The following BRI3 variants were observed in gnomAD, a reference collection of about 807,000 sequenced individuals.
BRI3 encodes membrane protein BRI3.
Under a neutral mutation model 12.8 loss-of-function variants are expected in BRI3, and 6 were observed. The ratio of observed to expected loss-of-function variants is 0.47; its 90% confidence interval spans 0.26 to 0.93. The LOEUF (loss-of-function observed/expected upper bound fraction) is 0.93. Ranked by LOEUF, BRI3 falls within the 40% of genes least tolerant of loss-of-function variation. BRI3 has a pLI of 0.15. For missense variants in BRI3, 134 were observed against 171.1 expected, an observed-to-expected ratio of 0.78 and a Z score of 1.21; for synonymous variants, 91 against 76.1, an observed-to-expected ratio of 1.20 and a Z score of -1.02.
At chr7:98,284,701 GC>G (rs1799652895) in intron 2 of BRI3, among the ~76,000 whole-genome samples, 3 of 152,246 alleles carry the variant, frequency 2.0e-5, no homozygotes, top group Non-Finnish European at 4.4e-5. Context: ...GGCCAGAGAA[GC>G]CCGTGTCCCT....
At position 98,291,168 on chromosome 7, in the gene BRI3, C is replaced by T. The variant is rs777451732; in HGVS notation, c.303C>T (p.Leu101=). The change falls in exon 3 of 3, where the codon CTC becomes CTT. Residue 101 remains leucine (L), a synonymous_variant. Transcript: ENST00000297290. The part of the protein sequence containing the change: ...TFLGIFLAII[L]FPFGFICCFA... The stretch of plus-strand genomic sequence containing the variant: ...TGGGCATCTTCCTGGCCATCATCCT[C>T]TTCCCCTTTGGGTTCATTTGCTGTT... 6.2e-7 allele frequency: 1 copy of T among 1,614,148 alleles called. No homozygotes were observed. The highest frequency in any genetic ancestry group is 1.1e-5 in the South Asian group (1 of 91,082).
At position 98,291,339 on chromosome 7, in the gene BRI3, T is replaced by C; in HGVS notation, c.*96T>C. The C allele has an allele frequency of 6.4e-7, 1 of 1,554,142 alleles. No individual in the cohort carries two copies. The highest frequency in any genetic ancestry group is 8.7e-7 in the Non-Finnish European group (1 of 1,148,452). ...TTATTTGATTAAGCTTCAGGACTGT[T>C]TTGTAAAGCGAGGTGGGACCGATGT... On this transcript the variant is annotated 3_prime_UTR_variant, in exon 3 of 3. Transcript: ENST00000297290.
downstream of BRI3, chr7:98,312,298 G>A (rs765489783): frequency 1.3e-5 from 20 of 1,570,554 alleles, no homozygotes; most frequent in Admixed American, 2.9e-4. Flanking sequence ...TAAAGACAAA[G>A]AAGATTGTCT....
exon 2 of BRI3, chr7:98,308,119 G>A (rs952608465): frequency 1.2e-5 from 8 of 670,504 alleles, no homozygotes; most frequent in Non-Finnish European, 1.9e-5. Flanking sequence ...GCACCGTGCA[G>A]AAGAGGATCC....
chr7:98,304,052 G>A, upstream of BRI3: 2 of 803,268 alleles, frequency 2.5e-6, no homozygotes, highest in Non-Finnish European at 3.6e-6. Context: ...ATCAAAGGCA[G>A]CAAGTCCCCT....
upstream of BRI3, chr7:98,304,118 G>T: frequency 1.4e-6 from 2 of 1,410,932 alleles, no homozygotes; most frequent in Non-Finnish European, 9.4e-7. Context: ...AGAGCAAGGC[G>T]GTCACCACAG....
At chr7:98,292,480 A>T (rs1303380962), downstream of BRI3, 8 of 703,026 alleles carry the variant, frequency 1.1e-5, no homozygotes, top group South Asian at 7.9e-5. Flanking sequence ...AATTTTAACC[A>T]TGACTCTCCA....
upstream of BRI3, chr7:98,304,107 C>T: frequency 7.4e-7 from 1 of 1,360,528 alleles, no homozygotes; most frequent in Non-Finnish European, 9.7e-7. Context: ...GGGGACAGAG[C>T]AGAGCAAGGC....
chr7:98,315,640 T>TAATAAG, the BRI3 span: 3 of 1,082,058 alleles, frequency 2.8e-6, no homozygotes, highest in Non-Finnish European at 3.6e-6. Flanking sequence ...ATAATAATAA[T>TAATAAG]AATTATATAA....
intron 1 of BRI3, 49 bp from the exon 2 acceptor site, chr7:98,282,302 G>A (rs771476841): frequency 1.4e-6 from 2 of 1,472,374 alleles, no homozygotes; most frequent in Non-Finnish European, 1.9e-6. Flanking sequence ...CCCCGTGGCG[G>A]TCCGATTTCT....
chr7:98,299,024 G>GT (rs930954028), intron 1 of BRI3, among the ~76,000 whole-genome samples: 181 of 151,634 alleles, frequency 1.2e-3, no homozygotes, highest in African/African-American at 2.7e-3. Flanking sequence ...GTTTTTTGGT[G>GT]TTTTTTTTGA....
chr7:98,292,729 T>C (rs1239115259), downstream of BRI3: 26 of 1,551,108 alleles, frequency 1.7e-5, no homozygotes, highest in Middle Eastern at 1.7e-4. Flanking sequence ...GCAGTTTGAG[T>C]GTACTGGTAA....
chr7:98,296,705 G>A (rs1218484629), downstream of BRI3, among the ~76,000 whole-genome samples: 13 of 152,214 alleles, frequency 8.5e-5, no homozygotes, highest in Admixed American at 6.5e-5. Context: ...CAGATTTCCC[G>A]TTTAACATCT....
downstream of BRI3, chr7:98,294,163 AATT>A (rs1800087844): frequency 1.9e-6 from 3 of 1,587,150 alleles, no homozygotes; most frequent in African/African-American, 1.3e-5. Flanking sequence ...GTCTTTTAAA[AATT>A]ATTTTAGGTA....
At chr7:98,302,726 C>T (rs893328455), upstream of BRI3, among the ~76,000 whole-genome samples, 3 of 152,210 alleles carry the variant, frequency 2.0e-5, no homozygotes, top group African/African-American at 7.2e-5. Flanking sequence ...CTCACGAGCC[C>T]TATCCACCAA....
upstream of BRI3, among the ~76,000 whole-genome samples, chr7:98,302,989 T>C (rs1460592624): frequency 6.6e-6 from 1 of 152,160 alleles, no homozygotes; most frequent in Non-Finnish European, 1.5e-5. Context: ...TTTTGCTATG[T>C]TGCCAGTTTG....
chr7:98,305,464 C>T (rs903978479), upstream of BRI3, among the ~76,000 whole-genome samples: 11 of 152,236 alleles, frequency 7.2e-5, no homozygotes, highest in East Asian at 1.5e-3. Context: ...AATGCAACGT[C>T]GGACCTGGAG....
chr7:98,298,986 G>A (rs1234403734), intron 1 of BRI3, among the ~76,000 whole-genome samples: 2 of 151,970 alleles, frequency 1.3e-5, no homozygotes, highest in African/African-American at 2.4e-5. Context: ...ACAGGTATAT[G>A]CCACCATGCC....
chr7:98,282,057 C>T (rs1043288163), intron 1 of BRI3, 120 bp downstream of exon 1: 71 of 1,293,982 alleles, frequency 5.5e-5, no homozygotes, highest in East Asian at 1.2e-4. Context: ...TGGAGGTCCC[C>T]GGGCTGGCTT....
Sources: gnomAD v4.1 joint callset for allele counts (sites outside exome capture counted in the v4.1 genomes callset) on GRCh38, gnomAD v4.1.1 for gene constraint, MANE v1.5 for transcripts, NCBI Gene and HGNC (gene_info 2026-07-23, HGNC 2026-07-21) for gene names.